CLUL1: variants seen among roughly 807,000 people sequenced by gnomAD.
CLUL1 encodes clusterin like 1, also known as clusterin-like protein 1.
In CLUL1, 43 loss-of-function variants were observed where a neutral mutation model predicts 49.4. The observed-to-expected ratio is 0.87, with a 90% confidence interval of 0.68 to 1.12. The LOEUF is 1.12. CLUL1 is among the 50% of genes most tolerant of loss of function. CLUL1 has a pLI of 0.00. For missense variants in CLUL1, 486 were observed against 544.4 expected (o/e 0.89, Z 1.07); for synonymous variants, 192 against 184.9 (o/e 1.04, Z -0.31).
intron 9 of CLUL1, among the ~76,000 whole-genome samples, chr18:645,674 G>GT (rs1403271705): frequency 2.7e-5 from 4 of 148,482 alleles, no homozygotes; most frequent in African/African-American, 4.9e-5. Flanking sequence ...GGCGCCTGTA[G>GT]TCCCAGCTAC....
intron 5 of CLUL1, among the ~76,000 whole-genome samples, chr18:625,731 G>C (rs938622400): frequency 2.6e-5 from 4 of 152,130 alleles, no homozygotes; most frequent in African/African-American, 9.7e-5. Flanking sequence ...CCCCCTTCAA[G>C]AAGTGAGCTG....
intron 5 of CLUL1, among the ~76,000 whole-genome samples, 198 bp from the exon 6 acceptor site, chr18:626,899 G>T (rs1166306261): frequency 1.9e-3 from 1 of 516 alleles, no homozygotes; most frequent in Non-Finnish European, 0.062. Context: ...AAGAAAGAAA[G>T]AAAGAAAGAA....
At chr18:647,396 G>A (rs964808733) in intron 9 of CLUL1, among the ~76,000 whole-genome samples, 1 of 152,166 alleles carries the variant, frequency 6.6e-6, no homozygotes, top group Non-Finnish European at 1.5e-5. Flanking sequence ...GACCAGCTCA[G>A]CTAAAAGAAA....
intron 2 of CLUL1, among the ~76,000 whole-genome samples, chr18:616,211 C>T (rs1203734889): frequency 6.6e-6 from 1 of 152,226 alleles, no homozygotes; most frequent in East Asian, 1.9e-4. Context: ...GTCTAAAATA[C>T]TTATCTATTG....
chr18:623,644 C>CAAAAAAAAAA (rs59558949), intron 4 of CLUL1, among the ~76,000 whole-genome samples: 1 of 71,102 alleles, frequency 1.4e-5, no homozygotes, highest in African/African-American at 5.4e-5. Context: ...GACTCTGTCT[C>CAAAAAAAAAA]AAAAAAAAAA....
intron 2 of CLUL1, among the ~76,000 whole-genome samples, chr18:615,667 G>A (rs2073265822): frequency 6.6e-6 from 1 of 152,172 alleles, no homozygotes; most frequent in African/African-American, 2.4e-5. Flanking sequence ...TTCAGGATAG[G>A]ACACATCTGT....
At chr18:624,826 T>C in intron 4 of CLUL1, 39 bp from the exon 5 acceptor site, 1 of 1,601,878 alleles carries the variant, frequency 6.2e-7, no homozygotes, top group Non-Finnish European at 8.5e-7. Flanking sequence ...ACATAGATTA[T>C]GAAATGGAAA....
intron 6 of CLUL1, among the ~76,000 whole-genome samples, chr18:630,153 G>C: frequency 6.6e-6 from 1 of 152,078 alleles, no homozygotes; most frequent in Non-Finnish European, 1.5e-5. Context: ...CTGTCACCCA[G>C]GCTGGAGTGC....
intron 2 of CLUL1, chr18:612,693 C>T (rs1241148697): frequency 6.6e-6 from 1 of 152,246 alleles, no homozygotes; most frequent in Non-Finnish European, 1.5e-5. Flanking sequence ...ATCATTCCCA[C>T]TTAATTTTCT....
In CLUL1 at chr18:617,985, C is replaced by G. The variant is rs779228301; in HGVS notation, c.-13-3C>G. ...TTGATGCGGGTTTATTTTTCCTTTGCAGTAACAGCGGGAACATGAAGCCGC... is the reference window on the plus strand; with the variant it reads ...TTGATGCGGGTTTATTTTTCCTTTGGAGTAACAGCGGGAACATGAAGCCGC... On this transcript the variant is annotated splice_region_variant and splice_polypyrimidine_tract_variant and intron_variant, in intron 2 of 9. Coordinates refer to ENST00000692774, the MANE Select transcript of CLUL1 (RefSeq NM_001393344.1). 6.2e-7 allele frequency: 1 copy of G among 1,612,070 alleles called. No individual in the cohort carries two copies. The highest frequency in any genetic ancestry group is 1.7e-5 in the Admixed American group (1 of 59,860).
At position 645,807 on chromosome 18, in the gene CLUL1, AAAAATATATATATATATATATATATAT is replaced by A. The variant is rs1488950675; in HGVS notation, c.1397+712_1397+738del. ...AGACTCTGTTTAAAAAAAAAAAAAA[AAAAATATATATATATATATATATATAT>A]ATATATATATATATATATGTTAAAC... On this transcript the variant is annotated intron_variant, in intron 9 of 9. Coordinates refer to ENST00000692774, the MANE Select transcript of CLUL1 (RefSeq NM_001393344.1). Among the ~76,000 whole-genome samples the A allele has an allele frequency of 1.0e-4, 7 of 69,158 alleles. 1 individual carries two copies. Among genetic ancestry groups the A allele is most frequent in the African/African-American group, 4.0e-4 (6 of 15,036 alleles). The allele number at this position is 69,158 out of a possible 152,430, so 45.4% of individuals were successfully genotyped here. A position where few individuals can be genotyped will look rare whatever the true frequency, so the allele number is the denominator to read the frequency against.
chr18:600,202 T>C (rs1384710112), intron 1 of CLUL1, among the ~76,000 whole-genome samples: 1 of 152,190 alleles, frequency 6.6e-6, no homozygotes, highest in Admixed American at 6.5e-5. Context: ...ATTTGCCTTT[T>C]TTTCCCTAAA....
At chr18:640,947 A>C (rs2074326918) in intron 7 of CLUL1, among the ~76,000 whole-genome samples, 1 of 152,128 alleles carries the variant, frequency 6.6e-6, no homozygotes, top group Admixed American at 6.6e-5. Flanking sequence ...GGTACTGGAC[A>C]TATACATCCA....
intron 2 of CLUL1, among the ~76,000 whole-genome samples, chr18:610,015 C>T (rs918873548): frequency 6.6e-6 from 1 of 151,954 alleles, no homozygotes; most frequent in Admixed American, 6.6e-5. Flanking sequence ...AACAACTTGG[C>T]CAATTATGGA....
chr18:634,940 A>G (rs1468755448), intron 7 of CLUL1, among the ~76,000 whole-genome samples: 1 of 152,126 alleles, frequency 6.6e-6, no homozygotes, highest in South Asian at 2.1e-4. Context: ...ATGCTTCTGC[A>G]TTTTATCTCA....
chr18:604,930 G>A (rs915762105), intron 1 of CLUL1, among the ~76,000 whole-genome samples: 6 of 152,212 alleles, frequency 3.9e-5, no homozygotes, highest in African/African-American at 9.6e-5. Flanking sequence ...CCCCCAGTGC[G>A]TATGTGGGAC....
At chr18:615,575 C>G (rs527576666) in intron 2 of CLUL1, among the ~76,000 whole-genome samples, 29 of 152,274 alleles carry the variant, frequency 1.9e-4, no homozygotes, top group Middle Eastern at 3.4e-3. Flanking sequence ...TTTCCTATGA[C>G]CAACTTTTCC....
chr18:649,951 G>A lies in CLUL1; in HGVS notation c.*50G>A. On this transcript the variant is annotated 3_prime_UTR_variant, in exon 10 of 10. Coordinates refer to ENST00000692774, the MANE Select transcript of CLUL1 (RefSeq NM_001393344.1). ...AGTAAGTAGAATTATCTCTTCATCT[G>A]GGACCTGGAAATCCTGAAATAAAAA... 8.3e-7 allele frequency: 1 copy of A among 1,206,918 alleles called. No homozygotes were observed. The highest frequency in any genetic ancestry group is 1.2e-6 in the Non-Finnish European group (1 of 839,180). 74.8% of individuals were successfully genotyped at this position (1,206,918 alleles called of 1,614,324 possible).
intron 1 of CLUL1, among the ~76,000 whole-genome samples, chr18:599,809 GTAGTCCCAGCTACTCA>G (rs968985257): frequency 2.0e-4 from 30 of 152,130 alleles, no homozygotes; most frequent in East Asian, 1.7e-3. Context: ...GCGGGCGCCT[GTAGTCCCAGCTACTCA>G]TAGTCCCAGC....
Sources: gnomAD v4.1 joint callset for allele counts (sites outside exome capture counted in the v4.1 genomes callset) on GRCh38, gnomAD v4.1.1 for gene constraint, MANE v1.5 for transcripts, NCBI Gene and HGNC (gene_info 2026-07-23, HGNC 2026-07-21) for gene names.